The following COL13A1 variants were observed in gnomAD, a reference collection of about 807,000 sequenced individuals.
COL13A1 encodes the protein collagen type XIII alpha 1 chain.
COL13A1 carries 89 observed loss-of-function variants against 130.9 expected under a neutral mutation model. That is an observed-to-expected ratio of 0.68 (90% CI 0.57 to 0.81). The LOEUF (loss-of-function observed/expected upper bound fraction) is 0.81. COL13A1 is among the 30% of genes least tolerant of loss of function. The pLI is 0.00. For synonymous variants in COL13A1, 402 were observed against 341.6 expected (o/e 1.18, Z -1.95); for missense variants, 879 against 934.6 (o/e 0.94, Z 0.78).
intron 10 of COL13A1, among the ~76,000 whole-genome samples, chr10:69,892,939 C>A (rs567528571): frequency 6.6e-6 from 1 of 152,166 alleles, no homozygotes; most frequent in Non-Finnish European, 1.5e-5. Context: ...CCTGAAACTC[C>A]GCCTGCCCCT....
At chr10:69,817,562 C>T (rs537566413) in intron 1 of COL13A1, among the ~76,000 whole-genome samples, 3 of 151,904 alleles carry the variant, frequency 2.0e-5, no homozygotes, top group Admixed American at 6.5e-5. Context: ...TAAGATCAGT[C>T]GGCGAGGTTG....
At chr10:69,923,073 T>A (rs2064892713) in intron 23 of COL13A1, among the ~76,000 whole-genome samples, 1 of 152,142 alleles carries the variant, frequency 6.6e-6, no homozygotes, top group Non-Finnish European at 1.5e-5. Context: ...CAGGGCGCAA[T>A]GGCTGCAGGA....
chr10:69,900,638 G>A (rs180839194), intron 14 of COL13A1, among the ~76,000 whole-genome samples: 42 of 152,312 alleles, frequency 2.8e-4, no homozygotes, highest in African/African-American at 8.9e-4. Flanking sequence ...TCTACAAGCC[G>A]CTTAAACATT....
At chr10:69,934,638 C>T (rs1019597651) in intron 31 of COL13A1, among the ~76,000 whole-genome samples, 8 of 152,232 alleles carry the variant, frequency 5.3e-5, no homozygotes, top group African/African-American at 1.9e-4. Context: ...TCATCAGAGA[C>T]AGAAGCTGCA....
At chr10:69,928,042 C>T (rs2065607135) in intron 27 of COL13A1, among the ~76,000 whole-genome samples, 1 of 152,154 alleles carries the variant, frequency 6.6e-6, no homozygotes, top group Non-Finnish European at 1.5e-5. Flanking sequence ...ATCCCAGCTA[C>T]TCAGTAGGCT....
intron 2 of COL13A1, among the ~76,000 whole-genome samples, chr10:69,842,910 C>T (rs1310880589): frequency 6.6e-6 from 1 of 152,076 alleles, no homozygotes; most frequent in Non-Finnish European, 1.5e-5. Flanking sequence ...GAGCAGCAGC[C>T]TTTACATGCC....
chr10:69,898,905 A>T (rs2061925346), intron 14 of COL13A1, 143 bp downstream of exon 14: 2 of 598,486 alleles, frequency 3.3e-6, no homozygotes, highest in Admixed American at 3.3e-5. Flanking sequence ...TACCATAGAC[A>T]TGGAAATACA....
rs567150894 is a variant in COL13A1 at position 69,849,121 on chromosome 10, T to C, written c.365-18677T>C. ...AGTGTTTAAACCATTTTTTTAAATG[T>C]CTTAGAATTTTCAAAGGTTCTGATA... On this transcript the variant is annotated intron_variant, in intron 2 of 40. Coordinates refer to ENST00000645393, the MANE Select transcript of COL13A1 (RefSeq NM_001368882.1). Among the ~76,000 whole-genome samples, 10 of 152,360 alleles carry C rather than the reference T, an allele frequency of 6.6e-5. 1 individual carries two copies. The highest frequency in any genetic ancestry group is 5.2e-4 in the Admixed American group (8 of 15,312).
intron 10 of COL13A1, among the ~76,000 whole-genome samples, chr10:69,891,466 G>C (rs2061163134): frequency 6.6e-6 from 1 of 152,180 alleles, no homozygotes; most frequent in Admixed American, 6.5e-5. Flanking sequence ...ACTGGAGGCA[G>C]AAGGCCCTGG....
chr10:69,804,744 C>G (rs2704503), intron 1 of COL13A1, among the ~76,000 whole-genome samples: 5 of 137,312 alleles, frequency 3.6e-5, no homozygotes, highest in Non-Finnish European at 7.6e-5. Flanking sequence ...CACTTTTGCC[C>G]TCCTAAACTT....
chr10:69,856,766 G>C (rs1856547594), intron 2 of COL13A1, among the ~76,000 whole-genome samples: 2 of 152,196 alleles, frequency 1.3e-5, no homozygotes, highest in South Asian at 4.1e-4. Flanking sequence ...GTGAGGGGCT[G>C]GGGGTGGAGC....
intron 38 of COL13A1, among the ~76,000 whole-genome samples, chr10:69,947,635 G>C (rs1282275029): frequency 1.3e-5 from 2 of 151,956 alleles, no homozygotes; most frequent in Non-Finnish European, 2.9e-5. Flanking sequence ...GCTCTTTCTA[G>C]GTTGCCCTGA....
chr10:69,810,372 G>C (rs1454122722), intron 1 of COL13A1, among the ~76,000 whole-genome samples: 1 of 151,304 alleles, frequency 6.6e-6, no homozygotes, highest in East Asian at 1.9e-4. Flanking sequence ...GAGAGAGAGA[G>C]AGAGAGAGAC....
intron 14 of COL13A1, among the ~76,000 whole-genome samples, chr10:69,902,151 A>C (rs924485553): frequency 1.3e-5 from 2 of 152,202 alleles, no homozygotes; most frequent in Non-Finnish European, 2.9e-5. Flanking sequence ...CCAGTGTTTC[A>C]TCAGAAGCCA....
At chr10:69,905,510 A>AGGTCTCCTG (rs1000984003) in intron 16 of COL13A1, among the ~76,000 whole-genome samples, 2 of 152,190 alleles carry the variant, frequency 1.3e-5, no homozygotes, top group Non-Finnish European at 2.9e-5. Context: ...CAATAGAATC[A>AGGTCTCCTG]GGTCTCCTGG....
intron 2 of COL13A1, among the ~76,000 whole-genome samples, chr10:69,835,327 A>G (rs949018015): frequency 6.6e-6 from 1 of 152,106 alleles, no homozygotes; most frequent in Admixed American, 6.5e-5. Context: ...TTGGGCAGTT[A>G]TAAGAGACTA....
At chr10:69,822,934 T>C (rs897043675) in intron 2 of COL13A1, among the ~76,000 whole-genome samples, 8 of 152,256 alleles carry the variant, frequency 5.3e-5, no homozygotes, top group African/African-American at 1.7e-4. Flanking sequence ...GCCTCTAGGC[T>C]ACATGCAACA....
chr10:69,852,493 A>G (rs933534811), intron 2 of COL13A1, among the ~76,000 whole-genome samples: 2 of 152,262 alleles, frequency 1.3e-5, no homozygotes, highest in Non-Finnish European at 2.9e-5. Flanking sequence ...CTCGACTGCT[A>G]GAAGATGTCT....
chr10:69,818,837 T>G (rs1339689112), intron 1 of COL13A1, among the ~76,000 whole-genome samples: 1 of 152,236 alleles, frequency 6.6e-6, no homozygotes, highest in African/African-American at 2.4e-5. Context: ...GTGAGGACAC[T>G]GTTCTTTCCT....
Sources: allele counts gnomAD v4.1 joint callset (sites outside exome capture counted in the v4.1 genomes callset), GRCh38; gene constraint gnomAD v4.1.1; transcripts MANE v1.5; gene names NCBI Gene and HGNC (gene_info 2026-07-23, HGNC 2026-07-21).